GRID2: variants seen among roughly 807,000 people sequenced by gnomAD.
The protein encoded by GRID2 is glutamate receptor ionotropic, delta-2.
Under a neutral mutation model 114.8 loss-of-function variants are expected in GRID2, and 33 were observed. That is an observed-to-expected ratio of 0.29 (90% confidence interval 0.22 to 0.38). The LOEUF (loss-of-function observed/expected upper bound fraction) is 0.38, where lower values mean the gene tolerates loss of function less well. Ranked by LOEUF, GRID2 falls within the 10% of genes least tolerant of loss-of-function variation. GRID2 has a pLI of 1.00. For synonymous variants in GRID2, 505 were observed against 449.9 expected, an observed-to-expected ratio of 1.12 and a Z score of -1.55; for missense variants, 1,184 against 1,257.7, an observed-to-expected ratio of 0.94 and a Z score of 0.89.
At chr4:93,697,515 C>G (rs1727121928) in intron 14 of GRID2, among the ~76,000 whole-genome samples, 2 of 151,908 alleles carry the variant, frequency 1.3e-5, no homozygotes, top group African/African-American at 4.8e-5. Context: ...TTGTTGGAAG[C>G]CAAGGTGGAT....
At chr4:93,085,851 A>C (rs1405149786) in intron 3 of GRID2, among the ~76,000 whole-genome samples, 3 of 150,308 alleles carry the variant, frequency 2.0e-5, no homozygotes, top group Non-Finnish European at 4.4e-5. Context: ...ACTAAGTAGT[A>C]AAAAAAAAAT....
intron 4 of GRID2, among the ~76,000 whole-genome samples, chr4:93,119,317 A>G (rs1208530466): frequency 6.6e-6 from 1 of 152,194 alleles, no homozygotes; most frequent in African/African-American, 2.4e-5. Flanking sequence ...TTATTTAAAT[A>G]TAGATTGGAA....
intron 5 of GRID2, among the ~76,000 whole-genome samples, chr4:93,209,164 G>C (rs1274583018): frequency 6.6e-6 from 1 of 151,886 alleles, no homozygotes. Context: ...CTCGTGTCAT[G>C]GGGGTTTATT....
chr4:93,469,797 C>A (rs899916768), intron 11 of GRID2, among the ~76,000 whole-genome samples: 1 of 152,056 alleles, frequency 6.6e-6, no homozygotes, highest in Non-Finnish European at 1.5e-5. Flanking sequence ...AATCTCTAAG[C>A]TATCGGAAAA....
intron 4 of GRID2, among the ~76,000 whole-genome samples, chr4:93,128,521 A>G (rs1734508363): frequency 6.6e-6 from 1 of 152,190 alleles, no homozygotes; most frequent in African/African-American, 2.4e-5. Flanking sequence ...TTCAGAACAA[A>G]AGAGAAATGT....
intron 14 of GRID2, among the ~76,000 whole-genome samples, chr4:93,702,779 G>T (rs180931501): frequency 1.3e-5 from 2 of 152,206 alleles, no homozygotes; most frequent in East Asian, 3.9e-4. Context: ...TCTAGAAGGG[G>T]ATGTATAGCA....
At chr4:92,676,741 T>C (rs1404396510) in intron 2 of GRID2, among the ~76,000 whole-genome samples, 1 of 152,080 alleles carries the variant, frequency 6.6e-6, no homozygotes, top group Non-Finnish European at 1.5e-5. Flanking sequence ...AAAAAAAAAG[T>C]ACCATGTGAT....
intron 1 of GRID2, among the ~76,000 whole-genome samples, chr4:92,522,766 T>TG (rs1258339234): frequency 2.5e-4 from 38 of 151,944 alleles, no homozygotes; most frequent in Non-Finnish European, 7.4e-5. Flanking sequence ...GCTTCTCAAA[T>TG]GAGATTGGCA....
chr4:93,188,025 C>A (rs1267667072), intron 4 of GRID2, among the ~76,000 whole-genome samples: 3 of 152,206 alleles, frequency 2.0e-5, no homozygotes, highest in Non-Finnish European at 2.9e-5. Flanking sequence ...ACCAGTATTG[C>A]AGCTCTCACA....
intron 14 of GRID2, among the ~76,000 whole-genome samples, chr4:93,721,920 C>CTTTTTTT (rs5860343): frequency 2.3e-5 from 3 of 132,616 alleles, no homozygotes; most frequent in African/African-American, 2.8e-5. Context: ...TTTCTTTTTT[C>CTTTTTTT]TTTTTTTTTT....
chr4:92,931,494 AAAAT>A (rs1014751550), intron 2 of GRID2, among the ~76,000 whole-genome samples: 3 of 150,976 alleles, frequency 2.0e-5, no homozygotes, highest in African/African-American at 2.4e-5. Flanking sequence ...TAGCAGAAAA[AAAAT>A]AAATATGATA....
At chr4:92,566,097 TA>T (rs1727320523) in intron 1 of GRID2, among the ~76,000 whole-genome samples, 1 of 151,992 alleles carries the variant, frequency 6.6e-6, no homozygotes, top group African/African-American at 2.4e-5. Context: ...GAGGTTTCAA[TA>T]AACTATGTCG....
intron 1 of GRID2, among the ~76,000 whole-genome samples, chr4:92,524,407 C>CTTTTTTTTTTTTTTTTTTTT (rs869060153): frequency 9.4e-6 from 1 of 106,564 alleles, no homozygotes; most frequent in African/African-American, 4.0e-5. Flanking sequence ...ATTTCCTTGT[C>CTTTTTTTTTTTTTTTTTTTT]TTTTTTTTTT....
intron 3 of GRID2, among the ~76,000 whole-genome samples, chr4:93,089,145 A>G (rs997262695): frequency 6.6e-6 from 1 of 152,280 alleles, no homozygotes; most frequent in East Asian, 1.9e-4. Context: ...TCAAATATGA[A>G]TGATCTCTTC....
At chr4:93,770,793 C>T (rs1734048403) in intron 15 of GRID2, among the ~76,000 whole-genome samples, 1 of 152,108 alleles carries the variant, frequency 6.6e-6, no homozygotes, top group Non-Finnish European at 1.5e-5. Context: ...TTTTGAATTA[C>T]TCTATATGAT....
chr4:92,625,434 TAGAA>T (rs1331607013), intron 2 of GRID2, among the ~76,000 whole-genome samples: 3 of 151,718 alleles, frequency 2.0e-5, no homozygotes, highest in African/African-American at 4.8e-5. Flanking sequence ...GAGGCAAAAG[TAGAA>T]AGAGAGTCTT....
intron 13 of GRID2, among the ~76,000 whole-genome samples, chr4:93,529,188 C>T (rs1244958876): frequency 6.6e-6 from 1 of 152,166 alleles, no homozygotes; most frequent in Non-Finnish European, 1.5e-5. Context: ...AATGCTTATT[C>T]TTAAACCTCC....
chr4:92,401,428 C>T (rs1434444375), intron 1 of GRID2, among the ~76,000 whole-genome samples: 3 of 152,050 alleles, frequency 2.0e-5, no homozygotes, highest in Admixed American at 2.0e-4. Flanking sequence ...TTAGTTTTAA[C>T]ACCAATTCTT....
chr4:92,954,552 A>T (rs1752252829), intron 2 of GRID2, among the ~76,000 whole-genome samples: 1 of 151,106 alleles, frequency 6.6e-6, no homozygotes. Context: ...TCAGCCTCCC[A>T]AGTAGCTGGG....
Sources: allele counts gnomAD v4.1 joint callset (sites outside exome capture counted in the v4.1 genomes callset), GRCh38; gene constraint gnomAD v4.1.1; transcripts MANE v1.5; gene names NCBI Gene and HGNC (gene_info 2026-07-23, HGNC 2026-07-21).